Variants in TEX11 observed in about 807,000 individuals in gnomAD.
TEX11 encodes the protein testis expressed 11.
In TEX11, 7 loss-of-function variants were observed where a neutral mutation model predicts 84.4. The ratio of observed to expected loss-of-function variants is 0.08; its 90% CI spans 0.05 to 0.16. The LOEUF is 0.16. TEX11 is among the 10% of genes least tolerant of loss of function. TEX11 has a pLI of 1.00. For synonymous variants in TEX11, 264 were observed against 222.8 expected (o/e 1.18, Z -1.64); for missense variants, 551 against 660.5 (o/e 0.83, Z 1.82).
At chrX:70,825,697 C>T (rs969039520) in intron 8 of TEX11, among the ~76,000 whole-genome samples, 7 of 112,259 alleles carry the variant, frequency 6.2e-5, no homozygotes, top group Admixed American at 5.7e-4. Flanking sequence ...TCACTTTGGC[C>T]GGGTGTGGTG....
chrX:70,783,305 A>G (rs7880393), intron 9 of TEX11, among the ~76,000 whole-genome samples: 7,922 of 111,684 alleles, frequency 0.071, 236 homozygotes, highest in East Asian at 0.13. Context: ...ACAACATACC[A>G]GAATCTCTGG....
chrX:70,781,077 A>G (rs893784914), intron 9 of TEX11, among the ~76,000 whole-genome samples: 1 of 111,634 alleles, frequency 9.0e-6, no homozygotes, highest in Non-Finnish European at 1.9e-5. Context: ...CACCTCATAT[A>G]GGCAGATGCC....
Position 70,839,261 on chromosome X carries a change from T to A in TEX11, c.526-5668A>T, listed in dbSNP as rs185596064. Among the ~76,000 whole-genome samples, 5 of 111,440 alleles carry A rather than the reference T, an allele frequency of 4.5e-5. No individual in the cohort carries two copies. In the East Asian group the frequency reaches 1.4e-3, roughly 32 times the overall value. ...CCCCCAGGAGGGGCGGACTGACACC[T>A]CACACGGCCGGGTACCCCTCTGAGA... On this transcript the variant is annotated intron_variant, in intron 7 of 29. Coordinates refer to ENST00000374333, the MANE Select transcript of TEX11 (RefSeq NM_031276.3).
At chrX:70,649,481 A>G (rs976833912) in intron 17 of TEX11, among the ~76,000 whole-genome samples, 5 of 112,617 alleles carry the variant, frequency 4.4e-5, no homozygotes, top group African/African-American at 1.3e-4. Flanking sequence ...ACTCTTAAAC[A>G]TAGCTGGTTC....
intron 9 of TEX11, among the ~76,000 whole-genome samples, chrX:70,802,481 G>T (rs1482379197): frequency 1.8e-5 from 2 of 111,299 alleles, no homozygotes; most frequent in African/African-American, 6.5e-5. Context: ...ACATCACATT[G>T]TACACTATTA....
At chrX:70,535,996 A>G (rs2087953068) in intron 28 of TEX11, among the ~76,000 whole-genome samples, 1 of 110,876 alleles carries the variant, frequency 9.0e-6, no homozygotes, top group East Asian at 2.8e-4. Flanking sequence ...GGTCCTCTCC[A>G]TTCCATGATT....
chrX:70,542,045 C>T (rs1175140663), intron 28 of TEX11, among the ~76,000 whole-genome samples: 2 of 111,089 alleles, frequency 1.8e-5, no homozygotes, highest in African/African-American at 6.6e-5. Flanking sequence ...AAAGAAGCCA[C>T]GCACCTCCAG....
chrX:70,554,805 G>C lies in TEX11; in HGVS notation c.2141-5C>G. 8.4e-7 allele frequency: 1 copy of C among 1,195,476 alleles called. No individual in the cohort carries two copies. The highest frequency in any genetic ancestry group is 1.1e-6 in the Non-Finnish European group (1 of 889,278). On this transcript the variant is annotated splice_region_variant and splice_polypyrimidine_tract_variant and intron_variant, in intron 25 of 29. Transcript: ENST00000374333. ...ATGAATCATTTGAGAAGGTCCCTAA[G>C]AAAGAGGCAAAAATGCAACATTCTT...
rs180959191 is a variant in TEX11 at position 70,689,829 on chromosome X, T to C, written c.1005-7004A>G. On this transcript the variant is annotated intron_variant, in intron 13 of 29. Transcript: ENST00000374333. Reference sequence around the variant, plus strand: ...CTCCACAACTGCAAAGAATATAGTATGTAAAAAGGAAAAATGGATAACTTC... The same window carrying C: ...CTCCACAACTGCAAAGAATATAGTACGTAAAAAGGAAAAATGGATAACTTC... Among the ~76,000 whole-genome samples the C allele has an allele frequency of 3.0e-3, 334 of 111,588 alleles. 1 individual carries two copies. Among genetic ancestry groups the C allele is most frequent in the African/African-American group, 0.01 (310 of 30,787 alleles).
chrX:70,591,860 A>G (rs769779993), intron 24 of TEX11, 37 bp from the exon 25 acceptor site: 57 of 1,023,826 alleles, frequency 5.6e-5, no homozygotes, highest in Non-Finnish European at 7.2e-5. Context: ...ATTAGTCCCA[A>G]CAAAAAAGAA....
intron 14 of TEX11, among the ~76,000 whole-genome samples, chrX:70,680,182 C>G (rs1360842495): frequency 3.5e-5 from 3 of 85,258 alleles, no homozygotes; most frequent in African/African-American, 1.3e-4. Context: ...GGATGGTTGC[C>G]GTGTCTGTGT....
intron 7 of TEX11, among the ~76,000 whole-genome samples, chrX:70,837,599 T>G (rs1323042876): frequency 1.9e-5 from 2 of 105,571 alleles, no homozygotes; most frequent in Non-Finnish European, 3.9e-5. Context: ...AACAAACTAT[T>G]AACACATAAA....
At chrX:70,720,070 C>T (rs1270594907) in intron 13 of TEX11, among the ~76,000 whole-genome samples, 3 of 111,854 alleles carry the variant, frequency 2.7e-5, no homozygotes, top group Admixed American at 9.5e-5. Context: ...CACATGCACA[C>T]GTATGTTCAT....
chrX:70,710,632 G>C (rs2090420765), intron 13 of TEX11, among the ~76,000 whole-genome samples: 1 of 107,758 alleles, frequency 9.3e-6, no homozygotes, highest in African/African-American at 3.4e-5. Flanking sequence ...CATCACCTGC[G>C]AGCTTCTAAG....
intron 2 of TEX11, among the ~76,000 whole-genome samples, chrX:70,903,049 C>G (rs1486970923): frequency 1.8e-5 from 2 of 111,901 alleles, no homozygotes. Flanking sequence ...TCTTCCACCT[C>G]CACGTTTTGT....
intron 25 of TEX11, among the ~76,000 whole-genome samples, chrX:70,556,606 T>C (rs1010745520): frequency 1.8e-5 from 2 of 111,806 alleles, no homozygotes; most frequent in Non-Finnish European, 3.8e-5. Context: ...TCTGCTGTTG[T>C]TGGGTAGAGT....
intron 2 of TEX11, among the ~76,000 whole-genome samples, chrX:70,880,947 G>A (rs1299659653): frequency 9.9e-6 from 1 of 100,710 alleles, no homozygotes; most frequent in African/African-American, 3.8e-5. Context: ...GCTGTGGCAG[G>A]AGGATCCCTT....
intron 25 of TEX11, among the ~76,000 whole-genome samples, chrX:70,555,250 A>G (rs1340740369): frequency 8.9e-6 from 1 of 112,254 alleles, no homozygotes; most frequent in African/African-American, 3.2e-5. Context: ...AGAATAGAGG[A>G]GAGTTTCCAA....
intron 7 of TEX11, among the ~76,000 whole-genome samples, chrX:70,848,848 AC>A (rs1309404423): frequency 1.8e-5 from 2 of 111,138 alleles, no homozygotes; most frequent in Non-Finnish European, 3.8e-5. Context: ...CCTCAGTGTG[AC>A]CCTGTCAGCT....
Sources: gnomAD v4.1 joint callset for allele counts (sites outside exome capture counted in the v4.1 genomes callset) on GRCh38, gnomAD v4.1.1 for gene constraint, MANE v1.5 for transcripts, NCBI Gene and HGNC (gene_info 2026-07-23, HGNC 2026-07-21) for gene names.